LRCH3: variants seen among roughly 807,000 people sequenced by gnomAD.
The protein encoded by LRCH3 is DISP complex protein LRCH3.
In LRCH3, 68 loss-of-function variants were observed where a neutral mutation model predicts 104.5. That is an observed-to-expected ratio of 0.65 (90% confidence interval 0.54 to 0.80). The LOEUF (loss-of-function observed/expected upper bound fraction) is 0.80, where lower values mean the gene tolerates loss of function less well. Among genes scored for constraint, LRCH3 ranks in the 30% least tolerant of loss-of-function variants. LRCH3 has a pLI of 0.00. For synonymous variants in LRCH3, 344 were observed against 361.3 expected, an observed-to-expected ratio of 0.95 and a Z score of 0.54; for missense variants, 951 against 953.9, an observed-to-expected ratio of 1.00 and a Z score of 0.04.
At chr3:197,873,693 A>G (rs985991145) in intron 19 of LRCH3, among the ~76,000 whole-genome samples, 1 of 152,136 alleles carries the variant, frequency 6.6e-6, no homozygotes, top group African/African-American at 2.4e-5. Context: ...CCACTGCACA[A>G]CAACCTGGGC....
Position 197,869,029 on chromosome 3 carries a change from T to A in LRCH3, c.1874-1131T>A, listed in dbSNP as rs1054102318. ...AACAAAAGTAGTTGAGTCAACTGGG[T>A]AATGAACATTACATATTTTTCTATA... On this transcript the variant is annotated intron_variant, in intron 17 of 20. Transcript: ENST00000425562. 2.0e-5 allele frequency among the ~76,000 whole-genome samples: 3 copies of A among 152,234 alleles called. No individual in the cohort carries two copies. The East Asian group carries it at 5.8e-4, about 29-fold the overall frequency.
At chr3:197,826,698 ATCTCATTTTTACCACTTTGCTACCACTTT>A (rs1186846718) in intron 4 of LRCH3, among the ~76,000 whole-genome samples, 151 bp from the exon 5 acceptor site, 2 of 152,032 alleles carry the variant, frequency 1.3e-5, no homozygotes, top group Non-Finnish European at 2.9e-5. Flanking sequence ...AGGCAACTGG[ATCTCATTTTTACCACTTTGCTACCACTTT>A]TCTCATTTTT....
At chr3:197,881,193 C>G in intron 20 of LRCH3, 1 of 1,006,362 alleles carries the variant, frequency 9.9e-7, no homozygotes, top group Non-Finnish European at 1.2e-6. Flanking sequence ...TTTGGCCGCA[C>G]CCGGTTACTT....
At position 197,886,919 on chromosome 3, in the gene LRCH3, G is replaced by A. The variant is rs1219337048; in HGVS notation, c.*3253G>A. The stretch of plus-strand genomic sequence containing the variant: ...ACATTTGCAACTAATTTTCCCATAG[G>A]GATAAATGGAAATTTCAACTTATTT... On this transcript the variant is annotated 3_prime_UTR_variant, in exon 21 of 21. Transcript: ENST00000425562. 2.6e-5 allele frequency: 4 copies of A among 151,928 alleles called. No individual in the cohort carries two copies. The highest frequency in any genetic ancestry group is 7.2e-5 in the African/African-American group (3 of 41,420). 9.4% of individuals were successfully genotyped at this position (151,928 alleles called of 1,614,324 possible). A position where few individuals can be genotyped will look rare whatever the true frequency, so the allele number is the denominator to read the frequency against.
intron 1 of LRCH3, among the ~76,000 whole-genome samples, chr3:197,798,332 G>A (rs1731502040): frequency 6.6e-6 from 1 of 152,324 alleles, no homozygotes; most frequent in Middle Eastern, 3.4e-3. Flanking sequence ...ACGTTGTATA[G>A]TGAGGTGATA....
intron 20 of LRCH3, among the ~76,000 whole-genome samples, chr3:197,879,507 G>C (rs112867300): frequency 6.7e-6 from 1 of 148,192 alleles, no homozygotes; most frequent in Non-Finnish European, 1.5e-5. Flanking sequence ...TTAGCCGGGC[G>C]TGGTGGCGGG....
At chr3:197,880,526 C>G in intron 20 of LRCH3, 1 of 1,536,120 alleles carries the variant, frequency 6.5e-7, no homozygotes, top group Non-Finnish European at 8.7e-7. Context: ...ATCTTTGTTC[C>G]CCTTCCGACA....
At chr3:197,849,478 CTCTG>C (rs777126169) in intron 12 of LRCH3, among the ~76,000 whole-genome samples, 4 of 151,958 alleles carry the variant, frequency 2.6e-5, no homozygotes, top group Non-Finnish European at 2.9e-5. Flanking sequence ...CCTCCTTTAT[CTCTG>C]TCATTGTATT....
chr3:197,843,385 GTGTA>G (rs1738110257), intron 10 of LRCH3, among the ~76,000 whole-genome samples: 1 of 151,930 alleles, frequency 6.6e-6, no homozygotes, highest in African/African-American at 2.4e-5. Flanking sequence ...ATAGTGCTGG[GTGTA>G]ATCCCAGCAC....
intron 14 of LRCH3, among the ~76,000 whole-genome samples, chr3:197,855,003 C>T (rs1560583478): frequency 1.3e-5 from 2 of 152,168 alleles, no homozygotes; most frequent in Non-Finnish European, 2.9e-5. Flanking sequence ...TTCATCAGCT[C>T]AAAATGAGTA....
At chr3:197,827,789 TAG>T (rs1735402472) in intron 5 of LRCH3, among the ~76,000 whole-genome samples, 1 of 152,042 alleles carries the variant, frequency 6.6e-6, no homozygotes, top group South Asian at 2.1e-4. Flanking sequence ...CCATAAATGC[TAG>T]AGACAGGCCA....
intron 12 of LRCH3, chr3:197,850,366 T>C: frequency 1.0e-6 from 1 of 962,824 alleles, no homozygotes; most frequent in Non-Finnish European, 1.5e-6. Context: ...TTTTTTTTTT[T>C]TTCCTTTTAA....
At chr3:197,882,019 G>A (rs867414252) in intron 20 of LRCH3, 1 of 985,300 alleles carries the variant, frequency 1.0e-6, no homozygotes, top group African/African-American at 1.7e-5. Context: ...TTGGGGAATT[G>A]GGTTGGTTAT....
At position 197,883,537 on chromosome 3, in the gene LRCH3, T is replaced by G. The variant is rs1713966646; in HGVS notation, c.2209-4T>G. 6.5e-7 allele frequency: 1 copy of G among 1,535,338 alleles called. No homozygotes were observed. The highest frequency in any genetic ancestry group is 2.4e-5 in the East Asian group (1 of 40,886). ...TTGTTTTCATGTTACGTTGTCCCTT[T>G]CAGGAGCAATTATGTTTGCCTCTCC... On this transcript the variant is annotated splice_polypyrimidine_tract_variant and splice_region_variant and intron_variant, in intron 20 of 20. Transcript: ENST00000425562. The surrounding 1 kb of genome is among the most constrained non-coding windows in gnomAD (Gnocchi z 4.2).
intron 12 of LRCH3, chr3:197,850,557 T>C: frequency 1.3e-6 from 2 of 1,588,498 alleles, no homozygotes; most frequent in East Asian, 2.2e-5. Flanking sequence ...AATCCGACCA[T>C]GAGCTCTGTA....
chr3:197,825,332 T>C (rs1735025317), intron 4 of LRCH3, among the ~76,000 whole-genome samples: 1 of 151,074 alleles, frequency 6.6e-6, no homozygotes, highest in Non-Finnish European at 1.5e-5. Flanking sequence ...GAGATCCATA[T>C]CTTCCGTTTT....
At chr3:197,827,814 C>T (rs933735725) in intron 5 of LRCH3, among the ~76,000 whole-genome samples, 2 of 151,872 alleles carry the variant, frequency 1.3e-5, no homozygotes, top group South Asian at 2.1e-4. Flanking sequence ...TGTGGTGGCT[C>T]ATGCCTGTAA....
chr3:197,845,131 G>A (rs547454383), intron 10 of LRCH3, among the ~76,000 whole-genome samples: 158 of 152,232 alleles, frequency 1.0e-3, no homozygotes, highest in African/African-American at 3.2e-3. Context: ...TAAAAAGAGG[G>A]TAAATGAATC....
chr3:197,882,701 C>G (rs931552896), intron 20 of LRCH3: 7 of 985,112 alleles, frequency 7.1e-6, no homozygotes, highest in Admixed American at 1.2e-4. Context: ...GCCTTTTTCT[C>G]TCACAAGAAA....
Sources: allele counts gnomAD v4.1 joint callset (sites outside exome capture counted in the v4.1 genomes callset), GRCh38; gene constraint gnomAD v4.1.1; non-coding constraint Gnocchi (gnomAD v3.1); transcripts MANE v1.5; gene names NCBI Gene and HGNC (gene_info 2026-07-23, HGNC 2026-07-21).